Variants in CNOT10 observed in about 807,000 individuals in gnomAD.
CNOT10 encodes CCR4-NOT transcription complex, subunit 10.
CNOT10 carries 30 observed loss-of-function variants against 94.6 expected under a neutral mutation model. The ratio of observed to expected loss-of-function variants is 0.32; its 90% CI spans 0.24 to 0.43. CNOT10 has a LOEUF of 0.43. Ranked by LOEUF, CNOT10 falls within the 20% of genes least tolerant of loss-of-function variation. CNOT10 has a pLI of 1.00. For missense variants in CNOT10, 759 were observed against 877.2 expected (o/e 0.87, Z 1.70); for synonymous variants, 289 against 301.6 (o/e 0.96, Z 0.43).
intron 1 of CNOT10, chr3:32,693,615 C>G (rs1575201120): frequency 6.6e-6 from 1 of 151,280 alleles, no homozygotes; most frequent in Non-Finnish European, 1.5e-5. Flanking sequence ...GAACACTGCT[C>G]ACTGCATCCT....
chr3:32,719,272 T>C (rs1327531959), intron 7 of CNOT10, among the ~76,000 whole-genome samples: 2 of 149,936 alleles, frequency 1.3e-5, no homozygotes, highest in African/African-American at 4.9e-5. Flanking sequence ...AAACAAAAAT[T>C]TGCCTGGCAT....
intron 4 of CNOT10, among the ~76,000 whole-genome samples, chr3:32,711,202 C>T (rs888562796): frequency 6.6e-6 from 1 of 152,096 alleles, no homozygotes; most frequent in African/African-American, 2.4e-5. Flanking sequence ...CCTTGGTATT[C>T]AAGGGAGATT....
In CNOT10 at chr3:32,704,980, A is replaced by G. The variant is rs1164693971; in HGVS notation, c.279+8A>G. On this transcript the variant is annotated splice_region_variant and intron_variant, in intron 3 of 18. Coordinates refer to ENST00000328834, the MANE Select transcript of CNOT10 (RefSeq NM_015442.3). ...AACCAGCTGAAGAATCAGGTGATAC[A>G]TAAATGAATTTAACTATAAAAAATA... 6.7e-7 allele frequency: 1 copy of G among 1,487,906 alleles called. No individual in the cohort carries two copies. The highest frequency in any genetic ancestry group is 8.9e-7 in the Non-Finnish European group (1 of 1,120,860). The allele number at this position is 1,487,906 out of a possible 1,614,324, so 92.2% of individuals were successfully genotyped here.
At chr3:32,711,639 C>T (rs1457917220) in intron 4 of CNOT10, among the ~76,000 whole-genome samples, 1 of 152,014 alleles carries the variant, frequency 6.6e-6, no homozygotes, top group Admixed American at 6.6e-5. Flanking sequence ...GTATTTGAAA[C>T]GAGACCTGAA....
At chr3:32,686,633 A>G (rs775754280) in intron 1 of CNOT10, among the ~76,000 whole-genome samples, 2 of 152,240 alleles carry the variant, frequency 1.3e-5, no homozygotes, top group Non-Finnish European at 2.9e-5. Flanking sequence ...GGAATGAGCC[A>G]TAAGAAATGA....
chr3:32,696,356 G>T (rs1383909408), intron 1 of CNOT10, among the ~76,000 whole-genome samples: 1 of 151,674 alleles, frequency 6.6e-6, no homozygotes, highest in Non-Finnish European at 1.5e-5. Context: ...GGGTCTCACT[G>T]ATTGCTCAGG....
chr3:32,741,986 T>G (rs1358776496), intron 13 of CNOT10, among the ~76,000 whole-genome samples: 1 of 151,896 alleles, frequency 6.6e-6, no homozygotes, highest in Non-Finnish European at 1.5e-5. Context: ...TTATTTTATT[T>G]TATTTTTTTG....
chr3:32,721,932 G>A (rs750371613), intron 8 of CNOT10, among the ~76,000 whole-genome samples: 9 of 151,700 alleles, frequency 5.9e-5, no homozygotes, highest in Non-Finnish European at 8.8e-5. Context: ...GATTACAGGC[G>A]TGAGCCACCG....
intron 3 of CNOT10, 106 bp downstream of exon 3, chr3:32,705,078 C>G: frequency 1.3e-6 from 1 of 768,690 alleles, no homozygotes; most frequent in Non-Finnish European, 2.0e-6. Context: ...TATTTCTTGT[C>G]AGAAACATTT....
At chr3:32,705,844 C>T (rs1009656056) in intron 3 of CNOT10, among the ~76,000 whole-genome samples, 4 of 152,138 alleles carry the variant, frequency 2.6e-5, no homozygotes, top group Non-Finnish European at 4.4e-5. Context: ...CCTTCAGGCT[C>T]TCTGTAATCC....
At chr3:32,754,466 G>A (rs1162876299) in intron 13 of CNOT10, among the ~76,000 whole-genome samples, 1 of 60,028 alleles carries the variant, frequency 1.7e-5, no homozygotes, top group Non-Finnish European at 3.0e-5. Context: ...GACAGAGCAA[G>A]ACTCCGTCTC....
chr3:32,768,799 C>G (rs1338359260), intron 17 of CNOT10, among the ~76,000 whole-genome samples: 1 of 152,160 alleles, frequency 6.6e-6, no homozygotes, highest in African/African-American at 2.4e-5. Flanking sequence ...GAGATTTCTC[C>G]TAATGCTGCC....
intron 4 of CNOT10, among the ~76,000 whole-genome samples, chr3:32,709,731 C>T (rs1697785924): frequency 6.6e-6 from 1 of 152,180 alleles, no homozygotes; most frequent in Non-Finnish European, 1.5e-5. Context: ...TGACCAGGTC[C>T]TTCTGTATAG....
Position 32,739,956 on chromosome 3 carries a change from C to T in CNOT10, c.1595+2466C>T, listed in dbSNP as rs1254797654. On this transcript the variant is annotated intron_variant, in intron 13 of 18. Transcript: ENST00000328834. ...AAAAAAAGAAAAAAAATTATCTGGG[C>T]GTGATGTTGCATGCCTGTGGTTCCA... Among the ~76,000 whole-genome samples, 9 of 152,118 alleles carry T rather than the reference C, an allele frequency of 5.9e-5. No individual in the cohort carries two copies. In the East Asian group the frequency reaches 9.6e-4, roughly 16 times the overall value.
intron 12 of CNOT10, among the ~76,000 whole-genome samples, chr3:32,735,877 T>C (rs1303893091): frequency 6.6e-6 from 1 of 152,064 alleles, no homozygotes; most frequent in Admixed American, 6.6e-5. Flanking sequence ...CTAGGCAGGG[T>C]GCTGGAGGAG....
chr3:32,769,588 T>C (rs1012609385), intron 17 of CNOT10: 2 of 279,060 alleles, frequency 7.2e-6, no homozygotes, highest in Non-Finnish European at 1.4e-5. Flanking sequence ...CAGATTTTGA[T>C]GTAATTGCAA....
chr3:32,772,541 T>A (rs1407304010), intron 18 of CNOT10, among the ~76,000 whole-genome samples: 1 of 150,438 alleles, frequency 6.6e-6, no homozygotes, highest in Non-Finnish European at 1.5e-5. Flanking sequence ...AAATAAAAAA[T>A]TTTAAAAAGG....
intron 13 of CNOT10, chr3:32,753,674 T>C: frequency 6.3e-7 from 1 of 1,581,306 alleles, no homozygotes; most frequent in East Asian, 2.2e-5. Context: ...TGGGATAAAT[T>C]AGTGGGTAAA....
At chr3:32,702,140 G>A (rs1360719785) in intron 1 of CNOT10, among the ~76,000 whole-genome samples, 1 of 147,038 alleles carries the variant, frequency 6.8e-6, no homozygotes, top group Non-Finnish European at 1.5e-5. Context: ...CTGTCGCCCA[G>A]GCTGGAGTGA....
Sources: gnomAD v4.1 joint callset for allele counts (sites outside exome capture counted in the v4.1 genomes callset) on GRCh38, gnomAD v4.1.1 for gene constraint, MANE v1.5 for transcripts, NCBI Gene and HGNC (gene_info 2026-07-23, HGNC 2026-07-21) for gene names.